Variants in HECW2 observed in about 807,000 individuals in gnomAD.
HECW2 encodes the protein E3 ubiquitin-protein ligase HECW2.
Under a neutral mutation model 175.2 loss-of-function variants are expected in HECW2, and 61 were observed. That is an observed-to-expected ratio of 0.35 (90% CI 0.28 to 0.43). The LOEUF is 0.43. Ranked by LOEUF, HECW2 falls within the 20% of genes least tolerant of loss-of-function variation. HECW2 has a pLI of 1.00. For missense variants in HECW2, 1,524 were observed against 2,000.5 expected, an observed-to-expected ratio of 0.76 and a Z score of 4.54; for synonymous variants, 671 against 731.0, an observed-to-expected ratio of 0.92 and a Z score of 1.32.
chr2:196,222,876 T>C (rs778213397), intron 23 of HECW2, among the ~76,000 whole-genome samples: 1 of 152,200 alleles, frequency 6.6e-6, no homozygotes, highest in Non-Finnish European at 1.5e-5. Flanking sequence ...TTTTTCTTCA[T>C]GGTTCTTATT....
At chr2:196,304,730 C>T in intron 13 of HECW2, among the ~76,000 whole-genome samples, 1 of 152,170 alleles carries the variant, frequency 6.6e-6, no homozygotes, top group East Asian at 1.9e-4. Flanking sequence ...GAAAGCCTGT[C>T]ACCTCCTAGA....
intron 2 of HECW2, among the ~76,000 whole-genome samples, chr2:196,423,666 T>G (rs1308915939): frequency 7.6e-6 from 1 of 131,796 alleles, no homozygotes; most frequent in Non-Finnish European, 1.6e-5. Flanking sequence ...TCTTTTTTAA[T>G]GAATGTATAG....
At chr2:196,259,191 C>G (rs1402772970) in intron 17 of HECW2, among the ~76,000 whole-genome samples, 2 of 152,206 alleles carry the variant, frequency 1.3e-5, no homozygotes, top group African/African-American at 4.8e-5. Flanking sequence ...CCATGCTGGT[C>G]TCAAACTCCT....
intron 1 of HECW2, among the ~76,000 whole-genome samples, chr2:196,557,031 A>C (rs1426503762): frequency 1.3e-5 from 2 of 152,228 alleles, no homozygotes; most frequent in Non-Finnish European, 2.9e-5. Context: ...TAAAAAGTTC[A>C]ATACTAGTAG....
intron 2 of HECW2, among the ~76,000 whole-genome samples, chr2:196,431,372 A>T (rs970888139): frequency 6.6e-6 from 1 of 152,190 alleles, no homozygotes; most frequent in Non-Finnish European, 1.5e-5. Flanking sequence ...TGTGTATGGG[A>T]ATCAACTTTT....
intron 1 of HECW2, among the ~76,000 whole-genome samples, chr2:196,497,730 C>T (rs1372637600): frequency 6.6e-6 from 1 of 152,146 alleles, no homozygotes; most frequent in East Asian, 1.9e-4. Flanking sequence ...AAAAATATTA[C>T]CCTAACTTAC....
chr2:196,468,479 G>C (rs2125342845), intron 1 of HECW2, among the ~76,000 whole-genome samples: 1 of 152,242 alleles, frequency 6.6e-6, no homozygotes, highest in Non-Finnish European at 1.5e-5. Flanking sequence ...ACCTTGCCTA[G>C]GATTCTGATT....
rs545263446 is a variant in HECW2 at position 196,505,517 on chromosome 2, G to T, written c.-35-72059C>A. ...ATTGTGCCACTGCACTCCAGCTTGG[G>T]CAACAGAGTGAGACTTCATCAAAAA... On this transcript the variant is annotated intron_variant, in intron 1 of 28. Transcript: ENST00000644978. Among the ~76,000 whole-genome samples, 8 of 152,066 alleles carry T rather than the reference G, an allele frequency of 5.3e-5. No homozygotes were observed. The South Asian group carries it at 1.7e-3, about 32-fold the overall frequency.
intron 2 of HECW2, among the ~76,000 whole-genome samples, chr2:196,359,265 T>C (rs2105878133): frequency 6.6e-6 from 1 of 152,228 alleles, no homozygotes; most frequent in East Asian, 1.9e-4. Context: ...CTGGCCAACA[T>C]GGTGAAATCC....
chr2:196,449,471 A>G (rs1408803908), intron 1 of HECW2, among the ~76,000 whole-genome samples: 2 of 152,230 alleles, frequency 1.3e-5, no homozygotes, highest in Non-Finnish European at 2.9e-5. Context: ...CTATATGACC[A>G]TAAGTAAAAT....
Position 196,342,352 on chromosome 2 carries a change from C to T in HECW2, c.400+1305G>A, listed in dbSNP as rs371411539. 1.5e-4 allele frequency among the ~76,000 whole-genome samples: 22 copies of T among 148,576 alleles called. No homozygotes were observed. In the East Asian group the frequency reaches 3.3e-3, roughly 23 times the overall value. ...CCGGGAGGCGGAGGTTGTGATGAGCCGAGATTGCGCCATTGTACTCCAGCC... is the reference window on the plus strand; with the variant it reads ...CCGGGAGGCGGAGGTTGTGATGAGCTGAGATTGCGCCATTGTACTCCAGCC... On this transcript the variant is annotated intron_variant, in intron 3 of 28. Transcript: ENST00000644978.
chr2:196,284,517 G>C (rs770900866), intron 14 of HECW2, among the ~76,000 whole-genome samples: 13 of 152,150 alleles, frequency 8.5e-5, no homozygotes, highest in Non-Finnish European at 1.9e-4. Flanking sequence ...GTGTGACCTT[G>C]GACAGGTTTC....
rs148925516 is a variant in HECW2, at chr2:196,466,001, C to T, written c.-35-32543G>A. ...ACAAAGTTATGTTCACATCCAATCC[C>T]ATAACCTTTTAATTGTTTCTCTAAC... is the stretch of plus-strand genomic sequence containing the variant. On this transcript the variant is annotated intron_variant, in intron 1 of 28. Transcript: ENST00000644978. 2.7e-3 allele frequency among the ~76,000 whole-genome samples: 406 copies of T among 152,278 alleles called. 4 individuals are homozygous for T. Among genetic ancestry groups the T allele is most frequent in the Middle Eastern group, 6.8e-3 (2 of 294 alleles).
chr2:196,220,414 A>G (rs1265810838), intron 25 of HECW2, among the ~76,000 whole-genome samples: 1 of 152,202 alleles, frequency 6.6e-6, no homozygotes, highest in African/African-American at 2.4e-5. Context: ...GAAACTATCT[A>G]GTGTTTCTAC....
intron 2 of HECW2, among the ~76,000 whole-genome samples, chr2:196,382,719 T>TA (rs753068299): frequency 3.3e-5 from 5 of 152,134 alleles, no homozygotes; most frequent in Non-Finnish European, 7.3e-5. Context: ...AACCTGGCTT[T>TA]AAAAAGCATC....
chr2:196,445,072 C>T (rs1021470086), intron 1 of HECW2, among the ~76,000 whole-genome samples: 1 of 152,200 alleles, frequency 6.6e-6, no homozygotes, highest in Non-Finnish European at 1.5e-5. Flanking sequence ...AGGCAACATT[C>T]CTATATGTCA....
chr2:196,541,787 C>T (rs747682906), intron 1 of HECW2, among the ~76,000 whole-genome samples: 1 of 151,580 alleles, frequency 6.6e-6, no homozygotes, highest in African/African-American at 2.4e-5. Flanking sequence ...CCAGAAAGGA[C>T]TCTATCTCTT....
intron 2 of HECW2, among the ~76,000 whole-genome samples, chr2:196,408,852 CCTT>C (rs1695032449): frequency 6.6e-6 from 1 of 152,158 alleles, no homozygotes; most frequent in Admixed American, 6.5e-5. Context: ...TGAAACAAGT[CCTT>C]CTCTTAATTC....
intron 2 of HECW2, among the ~76,000 whole-genome samples, chr2:196,418,109 T>C (rs1460766065): frequency 6.6e-6 from 1 of 152,134 alleles, no homozygotes; most frequent in Non-Finnish European, 1.5e-5. Context: ...GTACTTAATT[T>C]TGTAGAGGGA....
Sources: allele counts gnomAD v4.1 joint callset (sites outside exome capture counted in the v4.1 genomes callset), GRCh38; gene constraint gnomAD v4.1.1; transcripts MANE v1.5; gene names NCBI Gene and HGNC (gene_info 2026-07-23, HGNC 2026-07-21).